CEP112: variants seen among roughly 807,000 people sequenced by gnomAD.
CEP112 encodes the protein centrosomal protein of 112 kDa.
In CEP112, 127 loss-of-function variants were observed where a neutral mutation model predicts 153.0. That is an observed-to-expected ratio of 0.83 (90% CI 0.72 to 0.96). The LOEUF is 0.96. CEP112 is among the 40% of genes least tolerant of loss of function. The probability of loss-of-function intolerance (pLI) is 0.00; values close to 1 mark genes in which losing one functional copy is unlikely to be tolerated. For missense variants in CEP112, 1,089 were observed against 1,101.2 expected (o/e 0.99, Z 0.16); for synonymous variants, 358 against 374.4 (o/e 0.96, Z 0.51).
intron 21 of CEP112, among the ~76,000 whole-genome samples, chr17:65,814,214 G>A (rs2056140390): frequency 6.6e-6 from 1 of 152,188 alleles, no homozygotes; most frequent in African/African-American, 2.4e-5. Context: ...CACATCTCTT[G>A]TGGAATGTGT....
At chr17:65,825,218 T>C (rs1045534295) in intron 21 of CEP112, among the ~76,000 whole-genome samples, 4 of 152,224 alleles carry the variant, frequency 2.6e-5, no homozygotes, top group Non-Finnish European at 5.9e-5. Context: ...GTAAGTGAAA[T>C]AAGTCAGTCA....
intron 23 of CEP112, among the ~76,000 whole-genome samples, chr17:65,725,497 C>T (rs1339782286): frequency 1.3e-5 from 2 of 152,036 alleles, no homozygotes; most frequent in Non-Finnish European, 2.9e-5. Context: ...TTTTGTATCT[C>T]GTAGAAATGG....
At chr17:65,772,816 G>A (rs940051566) in intron 21 of CEP112, among the ~76,000 whole-genome samples, 1 of 152,068 alleles carries the variant, frequency 6.6e-6, no homozygotes, top group African/African-American at 2.4e-5. Flanking sequence ...TCTGCACAGG[G>A]TGTTATTAAG....
At chr17:65,768,309 G>A (rs574624149) in intron 21 of CEP112, among the ~76,000 whole-genome samples, 4 of 152,058 alleles carry the variant, frequency 2.6e-5, no homozygotes, top group South Asian at 2.1e-4. Context: ...GTCTTCATCC[G>A]TGACATCTTG....
intron 20 of CEP112, among the ~76,000 whole-genome samples, chr17:65,879,074 AATAATGCATCCCTTTCCC>A (rs1221581934): frequency 1.3e-5 from 2 of 152,220 alleles, no homozygotes; most frequent in African/African-American, 2.4e-5. Flanking sequence ...GCGTAAACTG[AATAATGCATCCCTTTCCC>A]AAAATGTTAC....
chr17:65,717,317 G>A (rs1215797109), intron 23 of CEP112, among the ~76,000 whole-genome samples: 1 of 152,174 alleles, frequency 6.6e-6, no homozygotes, highest in Non-Finnish European at 1.5e-5. Context: ...CAGCACACAT[G>A]TCCTGTCTTT....
chr17:65,862,030 C>A (rs1435455949), intron 20 of CEP112, among the ~76,000 whole-genome samples: 1 of 152,102 alleles, frequency 6.6e-6, no homozygotes, highest in Non-Finnish European at 1.5e-5. Flanking sequence ...GAGCTGTGCA[C>A]AACACAATGG....
chr17:65,797,403 T>C (rs1217086432), intron 21 of CEP112: 3 of 152,268 alleles, frequency 2.0e-5, no homozygotes, highest in Admixed American at 6.5e-5. Context: ...ACTGCCTGTT[T>C]GCTAGCTTAT....
chr17:65,763,163 C>T (rs1247713912), intron 21 of CEP112, among the ~76,000 whole-genome samples: 1 of 152,052 alleles, frequency 6.6e-6, no homozygotes, highest in Non-Finnish European at 1.5e-5. Flanking sequence ...TCTTAGAAAA[C>T]TGATGTAATT....
At chr17:65,776,394 T>C (rs768246609) in intron 21 of CEP112, among the ~76,000 whole-genome samples, 25 of 152,072 alleles carry the variant, frequency 1.6e-4, no homozygotes, top group South Asian at 8.3e-4. Context: ...GCCACCACGC[T>C]CAGCTAATTT....
intron 21 of CEP112, among the ~76,000 whole-genome samples, chr17:65,754,550 G>T (rs1291003721): frequency 6.6e-6 from 1 of 152,196 alleles, no homozygotes; most frequent in Non-Finnish European, 1.5e-5. Flanking sequence ...GGAGGTTGCA[G>T]TGAGCTGAGA....
At chr17:66,059,907 C>T (rs551755868) in intron 11 of CEP112, among the ~76,000 whole-genome samples, 76 of 152,144 alleles carry the variant, frequency 5.0e-4, no homozygotes, top group Non-Finnish European at 9.9e-4. Context: ...AGATGTCCAT[C>T]GATGGTGGAT....
At chr17:65,665,544 G>A (rs1052320686) in intron 24 of CEP112, among the ~76,000 whole-genome samples, 4 of 152,214 alleles carry the variant, frequency 2.6e-5, no homozygotes, top group African/African-American at 4.8e-5. Context: ...CTTCTGATAT[G>A]AGCCTGGAAA....
At chr17:66,027,879 ATCATGTAACAG>A in intron 15 of CEP112, among the ~76,000 whole-genome samples, 1 of 152,260 alleles carries the variant, frequency 6.6e-6, no homozygotes, top group East Asian at 1.9e-4. Flanking sequence ...TTGAAGTTAC[ATCATGTAACAG>A]TCCTTGGTAT....
At position 65,796,869 on chromosome 17, in the gene CEP112, C is replaced by CAA. The variant is rs1220753944; in HGVS notation, c.2395-46147_2395-46146dup. ...GCAATATGGTAAAACCCCATCTCTA[C>CAA]AAAAAAAAAAAAAAAAAAAAAGACA... On this transcript the variant is annotated intron_variant, in intron 21 of 26. Coordinates refer to ENST00000535342, the MANE Select transcript of CEP112 (RefSeq NM_001199165.4). Among the ~76,000 whole-genome samples, 91 of 40,444 alleles carry CAA rather than the reference C, an allele frequency of 2.3e-3. 1 individual carries two copies. Among genetic ancestry groups the CAA allele is most frequent in the African/African-American group, 4.7e-3 (56 of 11,932 alleles). 26.5% of individuals were successfully genotyped at this position (40,444 alleles called of 152,430 possible). A position where few individuals can be genotyped will look rare whatever the true frequency, so the allele number is the denominator to read the frequency against.
At chr17:65,685,340 C>T (rs2047726328) in intron 24 of CEP112, among the ~76,000 whole-genome samples, 1 of 152,068 alleles carries the variant, frequency 6.6e-6, no homozygotes, top group Non-Finnish European at 1.5e-5. Context: ...AACCAGAAAC[C>T]ATTTAAACAT....
intron 1 of CEP112, among the ~76,000 whole-genome samples, chr17:66,190,612 C>CA (rs1313616973): frequency 6.6e-6 from 1 of 152,088 alleles, no homozygotes; most frequent in Non-Finnish European, 1.5e-5. Flanking sequence ...AAGACTGTCT[C>CA]AAAAAAATAA....
chr17:65,982,056 A>T (rs1248545520), intron 17 of CEP112, among the ~76,000 whole-genome samples: 3 of 152,100 alleles, frequency 2.0e-5, no homozygotes, highest in East Asian at 1.9e-4. Context: ...ATATATTTTT[A>T]AATATTTTTC....
intron 21 of CEP112, among the ~76,000 whole-genome samples, chr17:65,763,530 C>T (rs1424466416): frequency 6.6e-6 from 1 of 150,954 alleles, no homozygotes; most frequent in Non-Finnish European, 1.5e-5. Flanking sequence ...CTTTGTTTTA[C>T]AACTTTGGAA....
Sources: allele counts gnomAD v4.1 joint callset (sites outside exome capture counted in the v4.1 genomes callset), GRCh38; gene constraint gnomAD v4.1.1; transcripts MANE v1.5; gene names NCBI Gene and HGNC (gene_info 2026-07-23, HGNC 2026-07-21).